The following GPALPP1 variants were observed in gnomAD, a reference collection of about 807,000 sequenced individuals.
GPALPP1 encodes GPALPP motifs containing 1.
Under a neutral mutation model 38.9 loss-of-function variants are expected in GPALPP1, and 30 were observed. That is an observed-to-expected ratio of 0.77 (90% CI 0.58 to 1.05). The LOEUF is 1.05. Ranked by LOEUF, GPALPP1 falls within the 50% of genes least tolerant of loss-of-function variation. The pLI is 0.00. For synonymous variants in GPALPP1, 120 were observed against 139.2 expected, an observed-to-expected ratio of 0.86 and a Z score of 0.97; for missense variants, 384 against 408.8, an observed-to-expected ratio of 0.94 and a Z score of 0.52.
At chr13:45,003,938 GT>G (rs772992796) in intron 1 of GPALPP1, among the ~76,000 whole-genome samples, 1 of 150,558 alleles carries the variant, frequency 6.6e-6, no homozygotes, top group Admixed American at 6.6e-5. Flanking sequence ...AGCCATTGGG[GT>G]TTTTTTTTGT....
At chr13:44,994,562 ATGT>A in intron 1 of GPALPP1, among the ~76,000 whole-genome samples, 1 of 152,220 alleles carries the variant, frequency 6.6e-6, no homozygotes, top group Non-Finnish European at 1.5e-5. Context: ...GTCTTCATAC[ATGT>A]TGTTCCCTCA....
At chr13:45,006,755 A>G (rs931843602) in intron 3 of GPALPP1, among the ~76,000 whole-genome samples, 6 of 152,172 alleles carry the variant, frequency 3.9e-5, no homozygotes, top group Non-Finnish European at 8.8e-5. Context: ...TGTTATCTGT[A>G]AGCTAGGATA....
intron 1 of GPALPP1, among the ~76,000 whole-genome samples, chr13:44,991,464 G>C (rs896485703): frequency 2.6e-5 from 4 of 151,856 alleles, no homozygotes; most frequent in African/African-American, 9.7e-5. Context: ...AAAAGAAAAA[G>C]ATTCTTCGTA....
Position 45,029,974 on chromosome 13 carries a change from C to T in GPALPP1, c.*1971C>T, listed in dbSNP as rs1876111439. ...ACTCAATCTCTGATCTCAACCAAAGCTTTCTGAGTCCTGGAACTTTGCTTT... is the reference window on the plus strand; with the variant it reads ...ACTCAATCTCTGATCTCAACCAAAGTTTTCTGAGTCCTGGAACTTTGCTTT... On this transcript the variant is annotated 3_prime_UTR_variant, in exon 8 of 8. Transcript: ENST00000379151. 1 of 152,072 alleles carries T rather than the reference C, an allele frequency of 6.6e-6. No individual in the cohort carries two copies. The highest frequency in any genetic ancestry group is 2.1e-4 in the South Asian group (1 of 4,828). 9.4% of individuals were successfully genotyped at this position (152,072 alleles called of 1,614,324 possible).
At chr13:45,018,930 A>AATATATACGTATAAAT (rs1566081677) in intron 6 of GPALPP1, among the ~76,000 whole-genome samples, 6 of 82,944 alleles carry the variant, frequency 7.2e-5, no homozygotes, top group African/African-American at 4.0e-4. Flanking sequence ...TAAATGTATA[A>AATATATACGTATAAAT]ATATATACAT....
rs34470056 is a variant in GPALPP1, at chr13:45,028,760, G to GA, written c.*768dup. 2,559 of 140,716 alleles carry GA rather than the reference G, an allele frequency of 0.018. 65 individuals carry two copies. The highest frequency in any genetic ancestry group is 0.091 in the East Asian group (437 of 4,812). 8.7% of individuals were successfully genotyped at this position (140,716 alleles called of 1,614,324 possible). ...AACAAAGTGAGACCTCGTCTCTTTA[G>GA]AAAAAAAAAAAGAGGCCAGTGGCTC... On this transcript the variant is annotated 3_prime_UTR_variant, in exon 8 of 8. Transcript: ENST00000379151.
intron 1 of GPALPP1, among the ~76,000 whole-genome samples, chr13:44,995,825 A>AGCTGCT (rs890856997): frequency 3.9e-5 from 6 of 151,944 alleles, no homozygotes; most frequent in African/African-American, 1.2e-4. Flanking sequence ...ACAAGCTCCC[A>AGCTGCT]GCTGCTGCTG....
intron 4 of GPALPP1, 43 bp downstream of exon 4, chr13:45,008,922 A>C (rs1325626295): frequency 1.8e-6 from 2 of 1,126,660 alleles, no homozygotes; most frequent in South Asian, 2.5e-5. Context: ...GAAAGTTTTC[A>C]TTGAAAGAAT....
In GPALPP1 at chr13:45,027,980, G is replaced by C. The variant is rs1875960775; in HGVS notation, c.1000G>C (p.Gly334Arg). ...AGAACTAAACACCAGATTTTCACACGGCAAAGGCAATATGTTTTTATAAGT... is the reference window on the plus strand; with the variant it reads ...AGAACTAAACACCAGATTTTCACACCGCAAAGGCAATATGTTTTTATAAGT... ...SRELNTRFSHGKGNMFL is the reference protein window; with the variant it reads ...SRELNTRFSHRKGNMFL Residue 334 changes from glycine to arginine, a missense_variant, in exon 8 of 8, where the codon GGC becomes CGC. Transcript: ENST00000379151. 1 of 1,594,050 alleles carries C rather than the reference G, an allele frequency of 6.3e-7. No individual in the cohort carries two copies.
At chr13:44,998,895 A>G (rs768622734) in intron 1 of GPALPP1, among the ~76,000 whole-genome samples, 2 of 152,226 alleles carry the variant, frequency 1.3e-5, no homozygotes, top group African/African-American at 2.4e-5. Flanking sequence ...AAGTGGAACC[A>G]AGGCCATAGC....
intron 4 of GPALPP1, among the ~76,000 whole-genome samples, chr13:45,012,403 T>C (rs182786956): frequency 4.8e-4 from 73 of 152,272 alleles, no homozygotes; most frequent in Middle Eastern, 3.4e-3. Context: ...AAAAAATGAA[T>C]GTGTTAAAAT....
chr13:45,012,206 G>C (rs994560164), intron 4 of GPALPP1, among the ~76,000 whole-genome samples: 3 of 152,160 alleles, frequency 2.0e-5, no homozygotes, highest in Non-Finnish European at 2.9e-5. Flanking sequence ...GTTCTGCTCT[G>C]TCTGTAAAAG....
Position 45,019,099 on chromosome 13 carries a change from T to G in GPALPP1, c.706-1231T>G, listed in dbSNP as rs559318377. Among the ~76,000 whole-genome samples the G allele has an allele frequency of 4.0e-3, 469 of 118,248 alleles. 9 individuals carry two copies. Among genetic ancestry groups the G allele is most frequent in the Non-Finnish European group, 6.4e-3 (385 of 60,624 alleles). The allele number at this position is 118,248 out of a possible 152,430, so 77.6% of individuals were successfully genotyped here. On this transcript the variant is annotated intron_variant, in intron 6 of 7. Transcript: ENST00000379151. ...TACATATAAATATATGTATATATATTTATATATATTTATATGTATATATAT... is the reference window on the plus strand; with the variant it reads ...TACATATAAATATATGTATATATATGTATATATATTTATATGTATATATAT...
intron 1 of GPALPP1, among the ~76,000 whole-genome samples, chr13:44,998,172 T>C (rs1319024988): frequency 6.6e-6 from 1 of 152,222 alleles, no homozygotes. Context: ...ACGCCAAGCT[T>C]TTTGTCTGCC....
intron 1 of GPALPP1, among the ~76,000 whole-genome samples, chr13:45,000,749 C>G (rs1873616101): frequency 6.6e-6 from 1 of 152,138 alleles, no homozygotes; most frequent in African/African-American, 2.4e-5. Flanking sequence ...CATATAGTCT[C>G]TAAATTATAA....
At chr13:45,012,522 GA>G (rs1874554013) in intron 4 of GPALPP1, among the ~76,000 whole-genome samples, 1 of 152,062 alleles carries the variant, frequency 6.6e-6, no homozygotes, top group Non-Finnish European at 1.5e-5. Flanking sequence ...AAAAATTGGG[GA>G]AAAAAATTTT....
intron 1 of GPALPP1, among the ~76,000 whole-genome samples, chr13:44,995,877 G>A (rs1873232202): frequency 6.6e-6 from 1 of 152,214 alleles, no homozygotes; most frequent in South Asian, 2.1e-4. Context: ...AGTGTTTGTG[G>A]TGAGGGATGG....
At chr13:45,007,077 T>C (rs1874153925) in intron 3 of GPALPP1, among the ~76,000 whole-genome samples, 1 of 152,072 alleles carries the variant, frequency 6.6e-6, no homozygotes, top group Non-Finnish European at 1.5e-5. Flanking sequence ...GTTTCAGATA[T>C]ACAGGGATAG....
At chr13:44,994,245 GAGAA>G (rs1873081725) in intron 1 of GPALPP1, among the ~76,000 whole-genome samples, 1 of 148,438 alleles carries the variant, frequency 6.7e-6, no homozygotes, top group Non-Finnish European at 1.5e-5. Flanking sequence ...AAAAGGGAGA[GAGAA>G]AGAAAGAAAC....
Sources: allele counts gnomAD v4.1 joint callset (sites outside exome capture counted in the v4.1 genomes callset), GRCh38; gene constraint gnomAD v4.1.1; transcripts MANE v1.5; gene names NCBI Gene and HGNC (gene_info 2026-07-23, HGNC 2026-07-21).